Variants in NDST3 observed in about 807,000 individuals in gnomAD.
NDST3 encodes N-deacetylase and N-sulfotransferase 3, also known as bifunctional heparan sulfate N-deacetylase/N-sulfotransferase 3.
NDST3 carries 58 observed loss-of-function variants against 96.1 expected under a neutral mutation model. That is an observed-to-expected ratio of 0.60 (90% CI 0.49 to 0.75). NDST3 has a LOEUF of 0.75. Ranked by LOEUF, NDST3 falls within the 30% of genes least tolerant of loss-of-function variation. The pLI, the probability that NDST3 is intolerant of heterozygous loss-of-function variation, is 0.00. For missense variants in NDST3, 788 were observed against 1,034.2 expected, an observed-to-expected ratio of 0.76 and a Z score of 3.27; for synonymous variants, 333 against 359.7, an observed-to-expected ratio of 0.93 and a Z score of 0.84.
chr4:118,086,748 C>T (rs1188189010), intron 2 of NDST3, among the ~76,000 whole-genome samples: 1 of 152,114 alleles, frequency 6.6e-6, no homozygotes, highest in Non-Finnish European at 1.5e-5. Flanking sequence ...TTTGGGTAAG[C>T]TTCTTGGCCT....
At chr4:118,119,146 G>A (rs910023170) in intron 4 of NDST3, among the ~76,000 whole-genome samples, 10 of 151,938 alleles carry the variant, frequency 6.6e-5, no homozygotes, top group African/African-American at 2.4e-4. Context: ...TCTTTTAAAT[G>A]GTGTCCTTTT....
chr4:118,220,465 G>T (rs1210604818), intron 6 of NDST3, among the ~76,000 whole-genome samples: 1 of 152,014 alleles, frequency 6.6e-6, no homozygotes, highest in African/African-American at 2.4e-5. Flanking sequence ...TGGGGGGCTA[G>T]GGGAGGGAAA....
In NDST3 at chr4:118,165,832, A is replaced by G. The variant is rs532505506; in HGVS notation, c.1539+22148A>G. Reference sequence around the variant, plus strand: ...AATAACAATTTGGGTACAAGAAAAAAATCAAAAGAGAAATTTAAAAATACC... The same window carrying G: ...AATAACAATTTGGGTACAAGAAAAAGATCAAAAGAGAAATTTAAAAATACC... On this transcript the variant is annotated intron_variant, in intron 6 of 13. Transcript: ENST00000296499. 1.3e-4 allele frequency among the ~76,000 whole-genome samples: 20 copies of G among 152,142 alleles called. No individual in the cohort carries two copies. In the South Asian group the frequency reaches 4.1e-3, roughly 31 times the overall value.
At chr4:118,193,757 C>T (rs1737474465) in intron 6 of NDST3, 1 of 1,474,448 alleles carries the variant, frequency 6.8e-7, no homozygotes, top group Non-Finnish European at 9.4e-7. Flanking sequence ...GGCCTTGTTA[C>T]AGCTTTCAGT....
intron 7 of NDST3, among the ~76,000 whole-genome samples, chr4:118,226,592 T>TA (rs930159024): frequency 1.3e-4 from 19 of 151,944 alleles, no homozygotes; most frequent in African/African-American, 1.9e-4. Context: ...AGCTAACTAT[T>TA]AAAAAAAATA....
At chr4:118,168,744 G>A (rs779137254) in intron 6 of NDST3, among the ~76,000 whole-genome samples, 3 of 152,066 alleles carry the variant, frequency 2.0e-5, no homozygotes, top group East Asian at 1.9e-4. Flanking sequence ...ATCGGCAAAC[G>A]GGTAAAAAAC....
chr4:118,221,179 C>T (rs1265728331), intron 6 of NDST3, among the ~76,000 whole-genome samples: 1 of 151,998 alleles, frequency 6.6e-6, no homozygotes, highest in Non-Finnish European at 1.5e-5. Flanking sequence ...CAGAAGCATA[C>T]TAAAGCAAAA....
intron 12 of NDST3, among the ~76,000 whole-genome samples, chr4:118,246,166 A>G (rs2126009951): frequency 6.6e-6 from 1 of 152,346 alleles, no homozygotes; most frequent in Non-Finnish European, 1.5e-5. Context: ...ATATGTAATC[A>G]TAAAGATATG....
chr4:118,112,449 G>A (rs901698760), intron 3 of NDST3, among the ~76,000 whole-genome samples: 41 of 152,136 alleles, frequency 2.7e-4, no homozygotes, highest in Admixed American at 2.0e-3. Flanking sequence ...CAGGGTATGT[G>A]GAAATCAGGA....
chr4:118,105,963 A>T (rs181500342), intron 3 of NDST3, among the ~76,000 whole-genome samples: 3 of 152,272 alleles, frequency 2.0e-5, no homozygotes, highest in South Asian at 4.1e-4. Flanking sequence ...TATGCTTGCC[A>T]GTATTTGATA....
chr4:118,153,176 A>G (rs1347539423), intron 6 of NDST3, among the ~76,000 whole-genome samples: 1 of 152,176 alleles, frequency 6.6e-6, no homozygotes, highest in Non-Finnish European at 1.5e-5. Flanking sequence ...GGCTCAAAAG[A>G]TTCATTTTGA....
chr4:118,251,239 G>A (rs1741712373), intron 12 of NDST3, among the ~76,000 whole-genome samples: 1 of 148,878 alleles, frequency 6.7e-6, no homozygotes, highest in South Asian at 2.1e-4. Flanking sequence ...CCATTCTCCT[G>A]CCTCAGCCTC....
chr4:118,195,492 C>A (rs1048903724), intron 6 of NDST3, among the ~76,000 whole-genome samples: 16 of 152,212 alleles, frequency 1.1e-4, no homozygotes, highest in African/African-American at 3.9e-4. Context: ...GAGGCCTTCC[C>A]AGCCTTGTGG....
At chr4:118,038,183 C>T (rs1724255906) in intron 1 of NDST3, among the ~76,000 whole-genome samples, 1 of 152,066 alleles carries the variant, frequency 6.6e-6, no homozygotes, top group Non-Finnish European at 1.5e-5. Context: ...GCATGTGTGA[C>T]AGAATATGTC....
chr4:118,218,786 G>A (rs541192842), intron 6 of NDST3, among the ~76,000 whole-genome samples: 11 of 152,214 alleles, frequency 7.2e-5, no homozygotes, highest in African/African-American at 2.6e-4. Flanking sequence ...TCTATACTTA[G>A]AAAACCCCAT....
intron 6 of NDST3, among the ~76,000 whole-genome samples, chr4:118,144,370 C>A (rs1033711759): frequency 2.6e-5 from 4 of 151,982 alleles, no homozygotes; most frequent in Non-Finnish European, 5.9e-5. Flanking sequence ...TTAGTGGAGA[C>A]GAGGCTTCAC....
chr4:118,222,253 A>C (rs1430107323), intron 6 of NDST3, among the ~76,000 whole-genome samples: 1 of 151,984 alleles, frequency 6.6e-6, no homozygotes, highest in Non-Finnish European at 1.5e-5. Flanking sequence ...TTTTTAACCA[A>C]AACATTCTTG....
intron 6 of NDST3, among the ~76,000 whole-genome samples, chr4:118,215,226 T>G (rs185406041): frequency 3.3e-5 from 5 of 152,196 alleles, no homozygotes; most frequent in Admixed American, 6.6e-5. Flanking sequence ...AAACACTAGC[T>G]ATCTAAAGGT....
At chr4:118,125,647 A>G (rs1339094713) in intron 4 of NDST3, among the ~76,000 whole-genome samples, 4 of 152,078 alleles carry the variant, frequency 2.6e-5, no homozygotes, top group Non-Finnish European at 5.9e-5. Flanking sequence ...TCATTTCTAA[A>G]ACCACAAAGA....
Sources: allele counts gnomAD v4.1 joint callset (sites outside exome capture counted in the v4.1 genomes callset), GRCh38; gene constraint gnomAD v4.1.1; transcripts MANE v1.5; gene names NCBI Gene and HGNC (gene_info 2026-07-23, HGNC 2026-07-21).